RHBDL2: variants seen among roughly 807,000 people sequenced by gnomAD.
The protein encoded by RHBDL2 is rhomboid-related protein 2.
RHBDL2 carries 26 observed loss-of-function variants against 31.7 expected under a neutral mutation model. That is an observed-to-expected ratio of 0.82 (90% CI 0.60 to 1.14). RHBDL2 has a LOEUF of 1.14. Among genes scored for constraint, RHBDL2 ranks in the 50% most tolerant of loss-of-function variants. The pLI is 0.00. For missense variants in RHBDL2, 336 were observed against 364.4 expected (o/e 0.92, Z 0.63); for synonymous variants, 123 against 127.2 (o/e 0.97, Z 0.22).
At position 38,886,684 on chromosome 1, in the gene RHBDL2, C is replaced by G. The variant is rs1295980855; in HGVS notation, c.733-1G>C. 2 of 1,533,306 alleles carry G rather than the reference C, an allele frequency of 1.3e-6. No homozygotes were observed. Among genetic ancestry groups the G allele is most frequent in the Non-Finnish European group, 1.8e-6 (2 of 1,134,932 alleles). The allele number at this position is 1,533,306 out of a possible 1,614,324, so 95.0% of individuals were successfully genotyped here. A position where few individuals can be genotyped will look rare whatever the true frequency, so the allele number is the denominator to read the frequency against. ...CTGCAATGTGAGCTGCAAAAGACAC[C>G]TTGGGAGAAAAGGAGGGAAAATGGA... is the stretch of plus-strand genomic sequence containing the variant. On this transcript the variant is annotated splice_acceptor_variant, in intron 7 of 7. Transcript: ENST00000372990. LOFTEE classifies it high-confidence loss of function.
Position 38,887,945 on chromosome 1 carries a change from G to C in RHBDL2, c.732+18C>G, listed in dbSNP as rs12074017. On this transcript the variant is annotated intron_variant, in intron 7 of 7. Transcript: ENST00000372990. The stretch of plus-strand genomic sequence containing the variant: ...GTAAACTAATTTCTATTTTATAAAA[G>C]AAAGAAACTGAACTCACCGGAGACC... 5,778 of 1,560,078 alleles carry C rather than the reference G, an allele frequency of 3.7e-3. 186 individuals are homozygous for C. The African/African-American group carries it at 0.07, about 19-fold the overall frequency.
rs987115322 is a variant in RHBDL2, at chr1:38,911,467, T to C, written c.396-33A>G. On this transcript the variant is annotated intron_variant, in intron 3 of 7. Coordinates refer to ENST00000372990, the MANE Select transcript of RHBDL2 (RefSeq NM_017821.5). ...GACAAACAATAGTTGTCAAATATTA[T>C]GACTAAACCAAGCAGTTATTTCCCT... is the stretch of plus-strand genomic sequence containing the variant. 4.3e-6 allele frequency: 6 copies of C among 1,410,144 alleles called. No individual in the cohort carries two copies. The African/African-American group carries it at 7.0e-5, about 17-fold the overall frequency. The allele number at this position is 1,410,144 out of a possible 1,614,324, so 87.4% of individuals were successfully genotyped here.
In RHBDL2 at chr1:38,891,260, C is replaced by CAAA. The variant is rs11445131; in HGVS notation, c.670+1901_670+1903dup. On this transcript the variant is annotated intron_variant, in intron 6 of 7. Transcript: ENST00000372990. ...TGGGCAACAGAGCGAGACTCCGTCT[C>CAAA]AAAAAAAAAAAAAAAAAAAAAGAAG... Among the ~76,000 whole-genome samples the CAAA allele has an allele frequency of 6.5e-3, 498 of 76,536 alleles. 4 individuals carry two copies. Among genetic ancestry groups the CAAA allele is most frequent in the Middle Eastern group, 0.021 (3 of 144 alleles). 50.2% of individuals were successfully genotyped at this position (76,536 alleles called of 152,430 possible). A position where few individuals can be genotyped will look rare whatever the true frequency, so the allele number is the denominator to read the frequency against.
intron 2 of RHBDL2, among the ~76,000 whole-genome samples, chr1:38,918,233 C>T (rs1643264153): frequency 6.6e-6 from 1 of 152,162 alleles, no homozygotes; most frequent in African/African-American, 2.4e-5. Flanking sequence ...GATAAGGAAG[C>T]TGAGGCATCA....
At chr1:38,936,890 T>A (rs1348609791) in intron 1 of RHBDL2, among the ~76,000 whole-genome samples, 3 of 152,032 alleles carry the variant, frequency 2.0e-5, no homozygotes, top group African/African-American at 7.2e-5. Flanking sequence ...CAACTCGGCC[T>A]CCCAAAGTGC....
chr1:38,932,929 G>A (rs1418848932), intron 1 of RHBDL2, among the ~76,000 whole-genome samples: 2 of 151,980 alleles, frequency 1.3e-5, no homozygotes, highest in Non-Finnish European at 2.9e-5. Context: ...TGTCTGACCC[G>A]AAATTACCCT....
intron 6 of RHBDL2, among the ~76,000 whole-genome samples, chr1:38,892,461 T>C (rs80342562): frequency 4.1e-4 from 62 of 152,216 alleles, no homozygotes; most frequent in African/African-American, 1.4e-3. Flanking sequence ...TCCATAAAGA[T>C]ACTAAAAGCC....
chr1:38,919,627 G>A (rs1257906685), intron 1 of RHBDL2, among the ~76,000 whole-genome samples: 3 of 150,264 alleles, frequency 2.0e-5, no homozygotes, highest in African/African-American at 4.9e-5. Context: ...TTTTTATGAG[G>A]TGGAGTCATC....
At chr1:38,911,747 C>G (rs1384620804) in intron 3 of RHBDL2, among the ~76,000 whole-genome samples, 3 of 152,022 alleles carry the variant, frequency 2.0e-5, no homozygotes, top group Non-Finnish European at 2.9e-5. Context: ...TCAAGTAATT[C>G]TCATGCCTCA....
chr1:38,941,105 G>T (rs1260957885), intron 1 of RHBDL2, among the ~76,000 whole-genome samples: 2 of 152,164 alleles, frequency 1.3e-5, no homozygotes, highest in African/African-American at 4.8e-5. Context: ...TCCCTCCAGA[G>T]AATCCAGGTA....
intron 6 of RHBDL2, among the ~76,000 whole-genome samples, chr1:38,891,515 T>G (rs1278591265): frequency 6.6e-6 from 1 of 152,150 alleles, no homozygotes; most frequent in Non-Finnish European, 1.5e-5. Context: ...CCAAACAATG[T>G]GTCCTCTGAT....
intron 4 of RHBDL2, among the ~76,000 whole-genome samples, chr1:38,906,240 T>C (rs34271014): frequency 0.079 from 12,040 of 152,080 alleles, 499 homozygotes; most frequent in Middle Eastern, 0.17. Context: ...AAAAGGCATA[T>C]AGATTGGAAA....
At chr1:38,894,707 C>CT (rs71057159) in intron 5 of RHBDL2, among the ~76,000 whole-genome samples, 37,813 of 113,022 alleles carry the variant, frequency 0.33, 6,985 homozygotes, top group East Asian at 0.42. Flanking sequence ...CTTTTTTTTT[C>CT]TTTTTTTTTT....
rs1643135181 is a variant in RHBDL2, at chr1:38,911,098, C to A, written c.508+224G>T. ...TACTTGCAATTTCAATTATGCAAAA[C>A]CCTGTCTTGAGTGTGAGATACCTGA... On this transcript the variant is annotated intron_variant, in intron 4 of 7. Coordinates refer to ENST00000372990, the MANE Select transcript of RHBDL2 (RefSeq NM_017821.5). Among the ~76,000 whole-genome samples the A allele has an allele frequency of 1.3e-5, 2 of 152,018 alleles. 1 individual carries two copies. Among genetic ancestry groups the A allele is most frequent in the Admixed American group, 1.3e-4 (2 of 15,226 alleles).
At chr1:38,929,587 C>A in intron 1 of RHBDL2, 1 of 1,282,904 alleles carries the variant, frequency 7.8e-7, no homozygotes, top group Non-Finnish European at 1.0e-6. Flanking sequence ...ACCAGGCAGG[C>A]CCCTGCCGGG....
chr1:38,925,907 AC>A, intron 1 of RHBDL2: 1 of 1,223,608 alleles, frequency 8.2e-7, no homozygotes, highest in Non-Finnish European at 1.1e-6. Context: ...CAATCATTCA[AC>A]TCATATTCAT....
At chr1:38,895,106 T>C (rs1252400198) in intron 5 of RHBDL2, among the ~76,000 whole-genome samples, 1 of 152,194 alleles carries the variant, frequency 6.6e-6, no homozygotes, top group Admixed American at 6.6e-5. Flanking sequence ...TGCATCTATA[T>C]AGAGGATGCT....
Position 38,911,249 on chromosome 1 carries a change from A to G in RHBDL2, c.508+73T>C, listed in dbSNP as rs1259266865. On this transcript the variant is annotated intron_variant, in intron 4 of 7. Transcript: ENST00000372990. ...ACCTTGACTTAAAGAAGCCTACTATAAGTGTGTATTTCATTTGCTTTTAAT... is the reference window on the plus strand; with the variant it reads ...ACCTTGACTTAAAGAAGCCTACTATGAGTGTGTATTTCATTTGCTTTTAAT... 4 of 966,872 alleles carry G rather than the reference A, an allele frequency of 4.1e-6. No homozygotes were observed. The African/African-American group carries it at 6.5e-5, about 16-fold the overall frequency. The allele number at this position is 966,872 out of a possible 1,614,324, so 59.9% of individuals were successfully genotyped here. A position where few individuals can be genotyped will look rare whatever the true frequency, so the allele number is the denominator to read the frequency against.
At chr1:38,894,707 C>CTTTTTTTTTTTTTTTTTTTTTTTCT (rs71057159) in intron 5 of RHBDL2, among the ~76,000 whole-genome samples, 5 of 114,192 alleles carry the variant, frequency 4.4e-5, no homozygotes, top group Non-Finnish European at 6.7e-5. Context: ...CTTTTTTTTT[C>CTTTTTTTTTTTTTTTTTTTTTTTCT]TTTTTTTTTT....
Sources: allele counts gnomAD v4.1 joint callset (sites outside exome capture counted in the v4.1 genomes callset), GRCh38; gene constraint gnomAD v4.1.1; transcripts MANE v1.5; gene names NCBI Gene and HGNC (gene_info 2026-07-23, HGNC 2026-07-21).